Variants in CCNDBP1 observed in about 807,000 individuals in gnomAD.
CCNDBP1 encodes the protein cyclin-D1-binding protein 1.
Under a neutral mutation model 46.2 loss-of-function variants are expected in CCNDBP1, and 45 were observed. The observed-to-expected ratio is 0.97, with a 90% CI of 0.77 to 1.25. The LOEUF (loss-of-function observed/expected upper bound fraction) is 1.25, where lower values mean the gene tolerates loss of function less well. Among genes scored for constraint, CCNDBP1 ranks in the 50% most tolerant of loss-of-function variants. CCNDBP1 has a pLI of 0.00. For missense variants in CCNDBP1, 436 were observed against 442.1 expected (o/e 0.99, Z 0.12); for synonymous variants, 154 against 163.6 (o/e 0.94, Z 0.45).
At chr15:43,189,893 A>G (rs2041919558) in intron 4 of CCNDBP1, 162 bp from the exon 5 acceptor site, 1 of 589,664 alleles carries the variant, frequency 1.7e-6, no homozygotes, top group South Asian at 2.4e-5. Flanking sequence ...GGGGCAAGAA[A>G]ATGCCATGGG....
chr15:43,186,134 C>T lies in CCNDBP1; in HGVS notation c.170-20C>T, dbSNP rs752139723. 10 of 1,611,876 alleles carry T rather than the reference C, an allele frequency of 6.2e-6. No individual in the cohort carries two copies. The East Asian group carries it at 1.8e-4, about 29-fold the overall frequency. ...AGCACTAACGTATTGGCACCTGCCT[C>T]CTCTTCGGCCACCCCCCAGATGAGG... On this transcript the variant is annotated intron_variant, in intron 2 of 10. Transcript: ENST00000300213.
chr15:43,189,423 A>T (rs967954735), intron 4 of CCNDBP1, 143 bp downstream of exon 4: 4 of 546,760 alleles, frequency 7.3e-6, no homozygotes, highest in African/African-American at 5.8e-5. Flanking sequence ...AATGTAAGTG[A>T]CTTATATAAA....
In CCNDBP1 at chr15:43,190,326, C is replaced by T. The variant is rs1361175076; in HGVS notation, c.430C>T (p.Pro144Ser). Residue 144 changes from proline to serine, a missense_variant and splice_region_variant, in exon 6 of 11, where the codon CCT becomes TCT. Pro to Ser is a moderately conservative substitution (Grantham distance 74). Coordinates refer to ENST00000300213, the MANE Select transcript of CCNDBP1 (RefSeq NM_012142.5). ...EVLSVTPTQS[P>S]ENNDLISYNS... ...ATCCTTACTGATTTCTTTCCCCAGCCCTGAGAACAATGACCTTATTTCCTA... is the reference window on the plus strand; with the variant it reads ...ATCCTTACTGATTTCTTTCCCCAGCTCTGAGAACAATGACCTTATTTCCTA... 6.2e-7 allele frequency: 1 copy of T among 1,614,012 alleles called. No homozygotes were observed. The highest frequency in any genetic ancestry group is 1.7e-5 in the Admixed American group (1 of 59,998).
intron 7 of CCNDBP1, 108 bp downstream of exon 7, chr15:43,191,150 T>C (rs1235794564): frequency 1.1e-6 from 1 of 924,720 alleles, no homozygotes; most frequent in Admixed American, 2.0e-5. Flanking sequence ...TTCTCACTAC[T>C]GTCCTCTGTC....
intron 6 of CCNDBP1, 22 bp downstream of exon 6, chr15:43,190,420 G>C: frequency 6.2e-7 from 1 of 1,606,132 alleles, no homozygotes; most frequent in Non-Finnish European, 8.5e-7. Context: ...TGGGCAGTGG[G>C]CCATGTCTGC....
chr15:43,194,893 C>A lies in CCNDBP1; in HGVS notation c.*52C>A. 1 of 1,099,688 alleles carries A rather than the reference C, an allele frequency of 9.1e-7. No individual in the cohort carries two copies. The highest frequency in any genetic ancestry group is 1.4e-6 in the Non-Finnish European group (1 of 721,402). The allele number at this position is 1,099,688 out of a possible 1,614,324, so 68.1% of individuals were successfully genotyped here. ...CCCCTCTCATCGTCATGGTCAGGCT[C>A]TGATACCTGCTTTTAAAATGGAGCT... On this transcript the variant is annotated 3_prime_UTR_variant, in exon 11 of 11. Transcript: ENST00000300213.
rs1347770884 is a variant in CCNDBP1, at chr15:43,191,489, T to G, written c.674T>G (p.Phe225Cys). 6.2e-7 allele frequency: 1 copy of G among 1,613,910 alleles called. No individual in the cohort carries two copies. Among genetic ancestry groups the G allele is most frequent in the East Asian group, 2.2e-5 (1 of 44,888 alleles). Residue 225 changes from phenylalanine to cysteine, a missense_variant, in exon 8 of 11, where the codon TTT (phenylalanine) becomes TGT (cysteine). By Grantham distance (205) the Phe-to-Cys change is radical. Coordinates refer to ENST00000300213, the MANE Select transcript of CCNDBP1 (RefSeq NM_012142.5). ...NHNHEDDVLG[F>C]PSNQDLYWSE... ...AATCATGAGGATGATGTGTTGGGGT[T>G]TCCCAGCAATCAGGACTTGTATTGG...
chr15:43,191,105 G>C, intron 7 of CCNDBP1, 63 bp downstream of exon 7: 2 of 1,335,960 alleles, frequency 1.5e-6, no homozygotes, highest in Non-Finnish European at 2.2e-6. Flanking sequence ...TAATTATAAA[G>C]AGAGATTTCC....
chr15:43,191,351 T>C, intron 7 of CCNDBP1, 44 bp from the exon 8 acceptor site: 1 of 1,263,538 alleles, frequency 7.9e-7, no homozygotes, highest in Non-Finnish European at 1.0e-6. Context: ...GCCTTTTTTT[T>C]TTTTTTTTTT....
At position 43,185,440 on chromosome 15, in the gene CCNDBP1, G is replaced by C; in HGVS notation, c.-59G>C. The C allele has an allele frequency of 7.5e-7, 1 of 1,336,928 alleles. No homozygotes were observed. The highest frequency in any genetic ancestry group is 1.2e-5 in the South Asian group (1 of 80,208). 82.8% of individuals were successfully genotyped at this position (1,336,928 alleles called of 1,614,324 possible). On this transcript the variant is annotated 5_prime_UTR_variant, in exon 1 of 11. Transcript: ENST00000300213. ...GCCCGGAAGTGGAGCGGCTGTCGCA[G>C]TGCGGCTCCGGCAGTGGCAGCGGAG...
intron 5 of CCNDBP1, 24 bp from the exon 6 acceptor site, chr15:43,190,301 A>G (rs769520032): frequency 1.9e-6 from 3 of 1,612,460 alleles, no homozygotes; most frequent in South Asian, 1.1e-5. Context: ...TTATTAATAT[A>G]TCCTTACTGA....
In CCNDBP1 at chr15:43,194,833, G is replaced by A. The variant is rs1447411623; in HGVS notation, c.1075G>A (p.Glu359Lys). The change falls in exon 11 of 11, where the codon GAA becomes AAA. Residue 359 changes from glutamate to lysine, a missense_variant. Transcript: ENST00000300213. ...CAAGGAGCTCACTCAGAGTGAACTTGAATTATGACTTTTCAGGCTCATTTG... is the reference window on the plus strand; with the variant it reads ...CAAGGAGCTCACTCAGAGTGAACTTAAATTATGACTTTTCAGGCTCATTTG... ...RIKELTQSEL[E>K]L 6.2e-7 allele frequency: 1 copy of A among 1,600,462 alleles called. No individual in the cohort carries two copies. The highest frequency in any genetic ancestry group is 1.3e-5 in the African/African-American group (1 of 74,642).
At chr15:43,194,234 T>G (rs959785107) in intron 9 of CCNDBP1, 181 bp from the exon 10 acceptor site, 1 of 515,938 alleles carries the variant, frequency 1.9e-6, no homozygotes, top group East Asian at 3.2e-5. Context: ...AATAAGATCT[T>G]GCTAAATAGA....
intron 7 of CCNDBP1, 28 bp from the exon 8 acceptor site, chr15:43,191,364 TTGC>T: frequency 1.3e-5 from 15 of 1,166,228 alleles, no homozygotes; most frequent in South Asian, 1.2e-4. Flanking sequence ...TTTTTTTTTT[TTGC>T]ATTCACATAC....
rs368465144 is a variant in CCNDBP1, at chr15:43,194,879, G to A, written c.*38G>A. 1.7e-4 allele frequency: 214 copies of A among 1,291,132 alleles called. No individual in the cohort carries two copies. The African/African-American group carries it at 2.7e-3, about 16-fold the overall frequency. 80.0% of individuals were successfully genotyped at this position (1,291,132 alleles called of 1,614,324 possible). A position where few individuals can be genotyped will look rare whatever the true frequency, so the allele number is the denominator to read the frequency against. On this transcript the variant is annotated 3_prime_UTR_variant, in exon 11 of 11. Coordinates refer to ENST00000300213, the MANE Select transcript of CCNDBP1 (RefSeq NM_012142.5). ...ATTTGTACTCTCTTCCCCTCTCATC[G>A]TCATGGTCAGGCTCTGATACCTGCT...
Position 43,194,474 on chromosome 15 carries a change from A to G in CCNDBP1, c.968+13A>G. ...TTGAAATTACAAAGTAAGTATGAAGACTTCTCAGATAGCTTTTTGTGAGTA... is the reference window on the plus strand; with the variant it reads ...TTGAAATTACAAAGTAAGTATGAAGGCTTCTCAGATAGCTTTTTGTGAGTA... On this transcript the variant is annotated intron_variant, in intron 10 of 10. Transcript: ENST00000300213. The G allele has an allele frequency of 6.3e-7, 1 of 1,597,544 alleles. No individual in the cohort carries two copies. The highest frequency in any genetic ancestry group is 8.5e-7 in the Non-Finnish European group (1 of 1,172,536).
At chr15:43,194,286 T>A in intron 9 of CCNDBP1, 129 bp from the exon 10 acceptor site, 2 of 665,328 alleles carry the variant, frequency 3.0e-6, no homozygotes, top group Non-Finnish European at 4.8e-6. Context: ...ATCAGCATTT[T>A]AAATTTTGCA....
chr15:43,186,577 A>T (rs1254787683), intron 3 of CCNDBP1, among the ~76,000 whole-genome samples: 2 of 152,022 alleles, frequency 1.3e-5, no homozygotes, highest in Non-Finnish European at 2.9e-5. Flanking sequence ...CTTAAGATTT[A>T]AAAAAAAGCA....
intron 9 of CCNDBP1, 63 bp downstream of exon 9, chr15:43,192,866 T>C: frequency 7.2e-7 from 1 of 1,396,320 alleles, no homozygotes; most frequent in East Asian, 2.3e-5. Context: ...TAATCACTAG[T>C]ATTTCCTGTA....
Sources: gnomAD v4.1 joint callset for allele counts (sites outside exome capture counted in the v4.1 genomes callset) on GRCh38, gnomAD v4.1.1 for gene constraint, MANE v1.5 for transcripts, NCBI Gene and HGNC (gene_info 2026-07-23, HGNC 2026-07-21) for gene names.